Variants in SDK1 observed in about 807,000 individuals in gnomAD.
SDK1 encodes sidekick cell adhesion molecule 1, also known as protein sidekick-1.
A neutral mutation model predicts 245.5 loss-of-function variants in SDK1; 157 were observed. The ratio of observed to expected loss-of-function variants is 0.64; its 90% confidence interval spans 0.56 to 0.73. The LOEUF is 0.73. SDK1 is among the 30% of genes least tolerant of loss of function. SDK1 has a pLI of 0.00. For synonymous variants in SDK1, 1,647 were observed against 1,278.5 expected, an observed-to-expected ratio of 1.29 and a Z score of -6.15; for missense variants, 3,583 against 3,002.3, an observed-to-expected ratio of 1.19 and a Z score of -4.52.
intron 1 of SDK1, among the ~76,000 whole-genome samples, chr7:3,420,950 C>G (rs532777266): frequency 6.6e-6 from 1 of 152,160 alleles, no homozygotes; most frequent in Non-Finnish European, 1.5e-5. Flanking sequence ...GTTCCCCTCC[C>G]TGTGTCCATG....
intron 12 of SDK1, 35 bp from the exon 13 acceptor site, chr7:3,974,334 G>A (rs763400794): frequency 1.6e-5 from 26 of 1,582,652 alleles, no homozygotes; most frequent in Admixed American, 3.4e-5. Context: ...GTCACTGTGG[G>A]GTTTGTAACT....
intron 1 of SDK1, among the ~76,000 whole-genome samples, chr7:3,355,273 G>C (rs991496324): frequency 2.0e-5 from 3 of 152,128 alleles, no homozygotes; most frequent in Non-Finnish European, 2.9e-5. Flanking sequence ...TTAAAATGTA[G>C]CTATCCACTG....
In SDK1 at chr7:4,114,362, G is replaced by T. The variant is rs143936506; in HGVS notation, c.3823+88G>T. The T allele has an allele frequency of 1.5e-3, 1,527 of 1,036,600 alleles. 10 individuals carry two copies. In the African/African-American group the frequency reaches 0.016, roughly 11 times the overall value. The allele number at this position is 1,036,600 out of a possible 1,614,324, so 64.2% of individuals were successfully genotyped here. A position where few individuals can be genotyped will look rare whatever the true frequency, so the allele number is the denominator to read the frequency against. ...AGCCTCCAGATCCCAGGCTAGTGGC[G>T]TCTCATTGGCCTGTCCCACTTGTGT... On this transcript the variant is annotated intron_variant, in intron 25 of 44. Transcript: ENST00000404826.
At chr7:3,639,815 CATAT>C (rs940536431) in intron 3 of SDK1, among the ~76,000 whole-genome samples, 2 of 151,526 alleles carry the variant, frequency 1.3e-5, no homozygotes, top group Admixed American at 6.6e-5. Context: ...AGAGACATAA[CATAT>C]ATAATTATAT....
intron 13 of SDK1, among the ~76,000 whole-genome samples, chr7:3,981,858 C>G (rs1783425692): frequency 6.6e-6 from 1 of 152,218 alleles, no homozygotes; most frequent in South Asian, 2.1e-4. Context: ...GATAAAGCAG[C>G]AGGTGCTGAT....
At chr7:3,579,158 G>A (rs1245086765) in intron 1 of SDK1, among the ~76,000 whole-genome samples, 2 of 151,978 alleles carry the variant, frequency 1.3e-5, no homozygotes, top group Non-Finnish European at 2.9e-5. Flanking sequence ...AAATTGAGGA[G>A]GAGGGATTCC....
intron 14 of SDK1, among the ~76,000 whole-genome samples, chr7:4,010,052 G>C (rs1473096177): frequency 6.6e-6 from 1 of 152,210 alleles, no homozygotes; most frequent in Non-Finnish European, 1.5e-5. Flanking sequence ...TCTCTAATGT[G>C]GGTGAAAGGG....
intron 4 of SDK1, among the ~76,000 whole-genome samples, chr7:3,678,061 A>G (rs1281149084): frequency 2.0e-5 from 3 of 152,218 alleles, no homozygotes; most frequent in African/African-American, 7.2e-5. Flanking sequence ...CATGACATTA[A>G]CAGGTCAAAA....
At chr7:3,662,711 G>C (rs768807833) in intron 4 of SDK1, among the ~76,000 whole-genome samples, 1 of 152,108 alleles carries the variant, frequency 6.6e-6, no homozygotes, top group Non-Finnish European at 1.5e-5. Context: ...GTTTATATAC[G>C]TATATACAAA....
At chr7:3,727,516 A>C (rs908173758) in intron 4 of SDK1, among the ~76,000 whole-genome samples, 30 of 151,914 alleles carry the variant, frequency 2.0e-4, no homozygotes, top group African/African-American at 7.3e-4. Flanking sequence ...TTTGAGACGG[A>C]GCCTCGCTCT....
chr7:3,689,777 T>G (rs1784395432), intron 4 of SDK1, among the ~76,000 whole-genome samples: 1 of 152,236 alleles, frequency 6.6e-6, no homozygotes, highest in South Asian at 2.1e-4. Context: ...GTTATTATTT[T>G]TATTTCCCAA....
intron 1 of SDK1, among the ~76,000 whole-genome samples, chr7:3,397,108 C>G (rs1046564147): frequency 1.3e-5 from 2 of 151,854 alleles, no homozygotes; most frequent in Non-Finnish European, 2.9e-5. Flanking sequence ...CAAACATACA[C>G]AGAATTTTTT....
rs112505602 is a variant in SDK1, at chr7:3,881,843, T to A, written c.847+60260T>A. Among the ~76,000 whole-genome samples the A allele has an allele frequency of 5.7e-3, 871 of 152,334 alleles. 10 individuals are homozygous for A. The highest frequency in any genetic ancestry group is 0.02 in the African/African-American group (829 of 41,566). ...GATTTACTTTCTCTCAAGTGGTTCA[T>A]GGTACAGCTTCCCTTCACATTGAGG... is the stretch of plus-strand genomic sequence containing the variant. On this transcript the variant is annotated intron_variant, in intron 5 of 44. Coordinates refer to ENST00000404826, the MANE Select transcript of SDK1 (RefSeq NM_152744.4).
intron 4 of SDK1, among the ~76,000 whole-genome samples, chr7:3,733,123 A>T (rs534323479): frequency 6.6e-6 from 1 of 152,210 alleles, no homozygotes. Context: ...GAGTTTGACA[A>T]GTTTCTTGGA....
intron 4 of SDK1, among the ~76,000 whole-genome samples, chr7:3,686,809 T>G (rs1298199535): frequency 6.6e-6 from 1 of 152,122 alleles, no homozygotes; most frequent in Admixed American, 6.5e-5. Context: ...ATTTAGTTAA[T>G]TTTCTCAGGA....
In SDK1 at chr7:3,800,701, G is replaced by A. The variant is rs1487290317; in HGVS notation, c.714-20749G>A. ...TTTTATTTTTTTAAAGTCAAGTACT[G>A]TTTTCTCTGCCATCACATACCAAAT... is the stretch of plus-strand genomic sequence containing the variant. On this transcript the variant is annotated intron_variant, in intron 4 of 44. Transcript: ENST00000404826. 3.9e-5 allele frequency among the ~76,000 whole-genome samples: 6 copies of A among 152,180 alleles called. No individual in the cohort carries two copies. The East Asian group carries it at 7.7e-4, about 20-fold the overall frequency.
At chr7:3,452,291 T>C (rs1780538723) in intron 1 of SDK1, among the ~76,000 whole-genome samples, 1 of 152,166 alleles carries the variant, frequency 6.6e-6, no homozygotes, top group Non-Finnish European at 1.5e-5. Context: ...GTGCTGGCTT[T>C]ATGTGTTGCC....
At chr7:4,002,313 GC>G (rs1785133255) in intron 14 of SDK1, among the ~76,000 whole-genome samples, 1 of 152,280 alleles carries the variant, frequency 6.6e-6, no homozygotes, top group South Asian at 2.1e-4. Context: ...CAGTTTAACT[GC>G]ATGGAGGCTG....
At chr7:3,748,237 A>G (rs1330359559) in intron 4 of SDK1, among the ~76,000 whole-genome samples, 2 of 152,180 alleles carry the variant, frequency 1.3e-5, no homozygotes, top group East Asian at 1.9e-4. Context: ...ACTGAACTCT[A>G]AATTGTTTTT....
Sources: allele counts gnomAD v4.1 joint callset (sites outside exome capture counted in the v4.1 genomes callset), GRCh38; gene constraint gnomAD v4.1.1; transcripts MANE v1.5; gene names NCBI Gene and HGNC (gene_info 2026-07-23, HGNC 2026-07-21).